Variants in SYT14 observed in about 807,000 individuals in gnomAD.
SYT14 encodes synaptotagmin-14.
Under a neutral mutation model 74.2 loss-of-function variants are expected in SYT14, and 32 were observed. The observed-to-expected ratio is 0.43, with a 90% CI of 0.33 to 0.58. The LOEUF is 0.58. Among genes scored for constraint, SYT14 ranks in the 20% least tolerant of loss-of-function variants. The pLI is 0.05. For synonymous variants in SYT14, 298 were observed against 337.7 expected (o/e 0.88, Z 1.29); for missense variants, 791 against 981.8 (o/e 0.81, Z 2.60).
intron 5 of SYT14, among the ~76,000 whole-genome samples, chr1:210,079,678 A>G (rs929550502): frequency 1.3e-5 from 2 of 152,214 alleles, no homozygotes; most frequent in Admixed American, 6.5e-5. Context: ...ACTGGAAAAA[A>G]AAATGTAAGA....
At chr1:209,983,764 C>G (rs535022627) in intron 2 of SYT14, among the ~76,000 whole-genome samples, 5 of 152,118 alleles carry the variant, frequency 3.3e-5, no homozygotes, top group Non-Finnish European at 7.4e-5. Context: ...GCCATACTTT[C>G]TTGTTTCTTT....
At chr1:210,006,145 A>G (rs1264355259) in intron 2 of SYT14, among the ~76,000 whole-genome samples, 1 of 151,902 alleles carries the variant, frequency 6.6e-6, no homozygotes. Flanking sequence ...GTTACTCACC[A>G]GTGAATTGTG....
intron 5 of SYT14, among the ~76,000 whole-genome samples, chr1:210,079,369 A>T (rs899395736): frequency 1.3e-5 from 2 of 152,148 alleles, no homozygotes; most frequent in Non-Finnish European, 1.5e-5. Flanking sequence ...ACAAACCTGC[A>T]TATGTACCCA....
intron 5 of SYT14, among the ~76,000 whole-genome samples, chr1:210,070,592 T>G (rs2081373734): frequency 6.6e-6 from 1 of 152,148 alleles, no homozygotes; most frequent in Non-Finnish European, 1.5e-5. Context: ...GGCTTTCTTC[T>G]CAAGGCCTAT....
rs371047537 is a variant in SYT14, at chr1:210,120,365, G to GT, written c.2034+19918dup. On this transcript the variant is annotated intron_variant, in intron 7 of 9. Transcript: ENST00000637265. ...GTAAATTTTTTTTGGTGTTTTTGCT[G>GT]TTTTTTTTTTTTTTGTTTGAGATAG... 7.7e-3 allele frequency among the ~76,000 whole-genome samples: 1,008 copies of GT among 131,638 alleles called. 9 individuals are homozygous for GT. The highest frequency in any genetic ancestry group is 0.017 in the African/African-American group (552 of 32,180). The allele number at this position is 131,638 out of a possible 152,430, so 86.4% of individuals were successfully genotyped here.
At chr1:210,052,953 T>C (rs2081030012) in intron 5 of SYT14, among the ~76,000 whole-genome samples, 1 of 152,146 alleles carries the variant, frequency 6.6e-6, no homozygotes, top group African/African-American at 2.4e-5. Flanking sequence ...CCATATTCTC[T>C]ACATTTTCTT....
intron 6 of SYT14, among the ~76,000 whole-genome samples, chr1:210,094,808 C>T (rs2081941166): frequency 6.6e-6 from 1 of 151,996 alleles, no homozygotes; most frequent in African/African-American, 2.4e-5. Context: ...CCAAGCCCCA[C>T]CACCAAAAGA....
At chr1:210,104,790 C>T (rs766444619) in intron 7 of SYT14, among the ~76,000 whole-genome samples, 5 of 152,150 alleles carry the variant, frequency 3.3e-5, no homozygotes, top group African/African-American at 4.8e-5. Context: ...ACAAACAGTA[C>T]TTAATTCTGA....
intron 5 of SYT14, among the ~76,000 whole-genome samples, chr1:210,057,550 A>T (rs1261144951): frequency 6.6e-6 from 1 of 152,208 alleles, no homozygotes; most frequent in African/African-American, 2.4e-5. Context: ...CCCGTATCTC[A>T]CATAGTGCTT....
At chr1:210,094,860 A>G (rs1558185228) in intron 6 of SYT14, among the ~76,000 whole-genome samples, 1 of 152,176 alleles carries the variant, frequency 6.6e-6, no homozygotes, top group Non-Finnish European at 1.5e-5. Context: ...ACTTTGTATA[A>G]AACATTCTGG....
At chr1:209,981,564 C>T (rs1215483845) in intron 2 of SYT14, among the ~76,000 whole-genome samples, 1 of 150,412 alleles carries the variant, frequency 6.6e-6, no homozygotes, top group African/African-American at 2.4e-5. Context: ...AGTCCTCCCA[C>T]CTTAGCCTCC....
At chr1:210,046,024 C>G (rs751407574) in intron 5 of SYT14, among the ~76,000 whole-genome samples, 1 of 152,170 alleles carries the variant, frequency 6.6e-6, no homozygotes, top group African/African-American at 2.4e-5. Context: ...ACATTGAACA[C>G]ATTTTTCACT....
At chr1:209,997,724 A>G (rs1168768775) in intron 2 of SYT14, among the ~76,000 whole-genome samples, 1 of 152,076 alleles carries the variant, frequency 6.6e-6, no homozygotes, top group South Asian at 2.1e-4. Flanking sequence ...AAAACTACCT[A>G]TTGGGTACTG....
At chr1:209,948,201 GC>G (rs1239822999) in intron 1 of SYT14, among the ~76,000 whole-genome samples, 1 of 152,174 alleles carries the variant, frequency 6.6e-6, no homozygotes, top group Non-Finnish European at 1.5e-5. Context: ...TTTCGATGGG[GC>G]TGCCATGTAA....
chr1:210,101,246 G>A, intron 7 of SYT14, among the ~76,000 whole-genome samples: 1 of 152,186 alleles, frequency 6.6e-6, no homozygotes, highest in African/African-American at 2.4e-5. Context: ...CTGTAAGTGT[G>A]CATTATGGTT....
chr1:210,153,288 CAT>C (rs1264136067), intron 7 of SYT14, among the ~76,000 whole-genome samples: 3 of 152,102 alleles, frequency 2.0e-5, no homozygotes, highest in African/African-American at 7.2e-5. Flanking sequence ...AGCGTTACCT[CAT>C]AGTTTTCATT....
chr1:210,134,767 A>G (rs1424417096), intron 7 of SYT14, among the ~76,000 whole-genome samples: 1 of 152,146 alleles, frequency 6.6e-6, no homozygotes, highest in African/African-American at 2.4e-5. Context: ...CTCATCATAC[A>G]AATCTCATCC....
At chr1:210,027,241 T>G (rs1257680387) in intron 5 of SYT14, among the ~76,000 whole-genome samples, 1 of 152,118 alleles carries the variant, frequency 6.6e-6, no homozygotes, top group Non-Finnish European at 1.5e-5. Flanking sequence ...ATGCCTATAA[T>G]GTCTCTACAA....
chr1:210,128,652 C>T (rs964581855), intron 7 of SYT14, among the ~76,000 whole-genome samples: 1 of 152,164 alleles, frequency 6.6e-6, no homozygotes, highest in South Asian at 2.1e-4. Flanking sequence ...TTATGTCCTA[C>T]AGAATTTCTG....
Sources: allele counts gnomAD v4.1 joint callset (sites outside exome capture counted in the v4.1 genomes callset), GRCh38; gene constraint gnomAD v4.1.1; transcripts MANE v1.5; gene names NCBI Gene and HGNC (gene_info 2026-07-23, HGNC 2026-07-21).